The following PCDH9 variants were observed in gnomAD, a reference collection of about 807,000 sequenced individuals.
PCDH9 encodes protocadherin 9, also known as protocadherin-9.
In PCDH9, 24 loss-of-function variants were observed where a neutral mutation model predicts 70.6. That is an observed-to-expected ratio of 0.34 (90% CI 0.25 to 0.48). The LOEUF (loss-of-function observed/expected upper bound fraction) is 0.48, where lower values mean the gene tolerates loss of function less well. Ranked by LOEUF, PCDH9 falls within the 20% of genes least tolerant of loss-of-function variation. PCDH9 has a pLI of 0.99. For missense variants in PCDH9, 1,281 were observed against 1,503.6 expected (o/e 0.85, Z 2.45); for synonymous variants, 562 against 558.5 (o/e 1.01, Z -0.09).
chr13:66,454,119 G>GA (rs571088325), intron 4 of PCDH9, among the ~76,000 whole-genome samples: 4 of 150,410 alleles, frequency 2.7e-5, no homozygotes, highest in Non-Finnish European at 4.4e-5. Context: ...ACTATGGGAA[G>GA]AAAAAAAAGT....
At chr13:67,181,634 C>G (rs1009018118) in intron 2 of PCDH9, among the ~76,000 whole-genome samples, 9 of 151,984 alleles carry the variant, frequency 5.9e-5, no homozygotes, top group Admixed American at 2.0e-4. Flanking sequence ...TCAGTGGATG[C>G]CAGCTCTATA....
intron 4 of PCDH9, among the ~76,000 whole-genome samples, chr13:66,407,940 C>A (rs1422494406): frequency 6.6e-6 from 1 of 151,984 alleles, no homozygotes; most frequent in East Asian, 1.9e-4. Flanking sequence ...GAATATAAGT[C>A]AGGTTCACTA....
intron 4 of PCDH9, among the ~76,000 whole-genome samples, chr13:66,437,608 A>C (rs1156252084): frequency 6.6e-6 from 1 of 152,094 alleles, no homozygotes; most frequent in African/African-American, 2.4e-5. Flanking sequence ...TAGTTTATAT[A>C]CCAACAGTAT....
chr13:66,454,480 G>C (rs1958277576), intron 4 of PCDH9, among the ~76,000 whole-genome samples: 1 of 152,154 alleles, frequency 6.6e-6, no homozygotes, highest in Non-Finnish European at 1.5e-5. Context: ...ATATGCAAAA[G>C]GCAGCAGTGC....
chr13:67,210,010 ACT>A (rs2089436600), intron 2 of PCDH9: 1 of 152,000 alleles, frequency 6.6e-6, no homozygotes, highest in Non-Finnish European at 1.5e-5. Context: ...CAAAATTACC[ACT>A]GTTTGATATT....
chr13:66,379,156 G>C (rs188133566), intron 4 of PCDH9, among the ~76,000 whole-genome samples: 1 of 152,210 alleles, frequency 6.6e-6, no homozygotes, highest in African/African-American at 2.4e-5. Context: ...GATGCACAGA[G>C]AAACTGCTGC....
At position 66,749,316 on chromosome 13, in the gene PCDH9, G is replaced by T. The variant is rs935155383; in HGVS notation, c.3139-117905C>A. 3.3e-5 allele frequency among the ~76,000 whole-genome samples: 5 copies of T among 152,160 alleles called. No individual in the cohort carries two copies. In the East Asian group the frequency reaches 9.6e-4, roughly 29 times the overall value. On this transcript the variant is annotated intron_variant, in intron 3 of 4. Coordinates refer to ENST00000377865, the MANE Select transcript of PCDH9 (RefSeq NM_203487.3). ...AGCATTTTAGACAATCATCAGCTAT[G>T]AGGATATAAAAATCAAAATCCATCT... is the stretch of plus-strand genomic sequence containing the variant.
intron 2 of PCDH9, among the ~76,000 whole-genome samples, chr13:67,094,142 T>C (rs942488771): frequency 4.6e-5 from 7 of 152,280 alleles, no homozygotes; most frequent in Non-Finnish European, 8.8e-5. Context: ...TCAGAGCTTC[T>C]GGATATTTAG....
intron 3 of PCDH9, among the ~76,000 whole-genome samples, chr13:66,826,645 T>C (rs957123561): frequency 6.6e-6 from 1 of 151,844 alleles, no homozygotes; most frequent in Admixed American, 6.6e-5. Flanking sequence ...GTGAAGGCAA[T>C]AAGATAGTAA....
chr13:66,822,000 T>C (rs1286496008), intron 3 of PCDH9, among the ~76,000 whole-genome samples: 1 of 152,182 alleles, frequency 6.6e-6, no homozygotes, highest in Non-Finnish European at 1.5e-5. Flanking sequence ...TCTTTTATTA[T>C]TGAATTTGAT....
chr13:66,658,552 T>G (rs1050718927), intron 3 of PCDH9, among the ~76,000 whole-genome samples: 1 of 152,148 alleles, frequency 6.6e-6, no homozygotes, highest in Admixed American at 6.5e-5. Context: ...ATGAGTTATC[T>G]TCAGATTTAA....
chr13:67,198,025 A>G (rs1267547885), intron 2 of PCDH9, among the ~76,000 whole-genome samples: 1 of 151,550 alleles, frequency 6.6e-6, no homozygotes, highest in Non-Finnish European at 1.5e-5. Context: ...ACATAATTTT[A>G]TTAAATATAT....
chr13:66,761,399 T>A (rs1258309095), intron 3 of PCDH9, among the ~76,000 whole-genome samples: 1 of 152,158 alleles, frequency 6.6e-6, no homozygotes, highest in Non-Finnish European at 1.5e-5. Flanking sequence ...TTCTCTGGGT[T>A]TGGATACATC....
intron 4 of PCDH9, among the ~76,000 whole-genome samples, chr13:66,622,749 G>A (rs2077442451): frequency 6.6e-6 from 1 of 152,188 alleles, no homozygotes; most frequent in Non-Finnish European, 1.5e-5. Flanking sequence ...GGCCAGATAA[G>A]AGAATAAAAG....
At chr13:66,708,445 G>T (rs1457736532) in intron 3 of PCDH9, among the ~76,000 whole-genome samples, 1 of 146,892 alleles carries the variant, frequency 6.8e-6, no homozygotes. Flanking sequence ...GTTTGAAATG[G>T]CTAGGTAACA....
chr13:66,602,500 A>G lies in PCDH9; in HGVS notation c.3340+28710T>C, dbSNP rs1221440950. Among the ~76,000 whole-genome samples, 3 of 145,956 alleles carry G rather than the reference A, an allele frequency of 2.1e-5. 1 individual carries two copies. Among genetic ancestry groups the G allele is most frequent in the Non-Finnish European group, 4.6e-5 (3 of 64,980 alleles). On this transcript the variant is annotated intron_variant, in intron 4 of 4. Transcript: ENST00000377865. ...TTAGTTTTTAACAAACAAATTAAAA[A>G]AAAACAACAACAGAAAAGTATGATA...
At position 66,403,870 on chromosome 13, in the gene PCDH9, C is replaced by G. The variant is rs79373942; in HGVS notation, c.3341-98842G>C. Among the ~76,000 whole-genome samples, 232 of 152,068 alleles carry G rather than the reference C, an allele frequency of 1.5e-3. 2 individuals carry two copies. Among genetic ancestry groups the G allele is most frequent in the African/African-American group, 5.3e-3 (220 of 41,484 alleles). On this transcript the variant is annotated intron_variant, in intron 4 of 4. Transcript: ENST00000377865. The stretch of plus-strand genomic sequence containing the variant: ...CCCCAGCCCTTACTTTGAGAACTAA[C>G]GGACTACAGTAATAAGAGGAAAAAC...
intron 2 of PCDH9, among the ~76,000 whole-genome samples, chr13:67,149,075 T>C (rs868224417): frequency 4.6e-5 from 7 of 152,342 alleles, no homozygotes; most frequent in Middle Eastern, 3.4e-3. Context: ...GTTCCTGCTC[T>C]AACCTACTAC....
chr13:66,552,290 G>A (rs1027741284), intron 4 of PCDH9, among the ~76,000 whole-genome samples: 4 of 152,134 alleles, frequency 2.6e-5, no homozygotes, highest in African/African-American at 9.7e-5. Context: ...TGCTGCTTTA[G>A]TGTTTAGTTC....
Sources: gnomAD v4.1 joint callset for allele counts (sites outside exome capture counted in the v4.1 genomes callset) on GRCh38, gnomAD v4.1.1 for gene constraint, MANE v1.5 for transcripts, NCBI Gene and HGNC (gene_info 2026-07-23, HGNC 2026-07-21) for gene names.